RBFOX1: variants seen among roughly 807,000 people sequenced by gnomAD.
RBFOX1 encodes the protein RNA binding fox-1 homolog 1.
RBFOX1 carries 8 observed loss-of-function variants against 57.7 expected under a neutral mutation model. The observed-to-expected ratio is 0.14, with a 90% CI of 0.08 to 0.25. RBFOX1 has a LOEUF of 0.25. Among genes scored for constraint, RBFOX1 ranks in the 10% least tolerant of loss-of-function variants. The pLI is 1.00. For missense variants in RBFOX1, 611 were observed against 548.5 expected (o/e 1.11, Z -1.14); for synonymous variants, 326 against 222.4 (o/e 1.47, Z -4.15).
intron 4 of RBFOX1, among the ~76,000 whole-genome samples, chr16:7,208,077 G>A (rs1303478468): frequency 1.3e-5 from 2 of 152,154 alleles, no homozygotes; most frequent in African/African-American, 4.8e-5. Context: ...CCTGCAACAG[G>A]GAAGCAAGAG....
chr16:7,630,782 C>A, intron 11 of RBFOX1, 99 bp downstream of exon 11: 9 of 1,539,370 alleles, frequency 5.8e-6, no homozygotes, highest in Non-Finnish European at 3.5e-6. Flanking sequence ...TCTGCCCCAC[C>A]CTCTCTTGTG....
At chr16:6,921,240 C>A (rs752419805) in intron 3 of RBFOX1, among the ~76,000 whole-genome samples, 1 of 152,152 alleles carries the variant, frequency 6.6e-6, no homozygotes, top group Non-Finnish European at 1.5e-5. Context: ...TTTAAAACAG[C>A]ACACATTTGT....
At chr16:6,827,675 C>T (rs1027829152) in intron 3 of RBFOX1, among the ~76,000 whole-genome samples, 1 of 152,184 alleles carries the variant, frequency 6.6e-6, no homozygotes, top group African/African-American at 2.4e-5. Flanking sequence ...GAGGTCTCTT[C>T]TGATCCTTCA....
intron 4 of RBFOX1, among the ~76,000 whole-genome samples, chr16:7,448,160 C>CAT (rs2098823050): frequency 6.6e-6 from 1 of 152,226 alleles, no homozygotes; most frequent in African/African-American, 2.4e-5. Flanking sequence ...CTACCCCTTC[C>CAT]ATAGCAAATT....
At chr16:7,184,145 T>A (rs866255966) in intron 4 of RBFOX1, among the ~76,000 whole-genome samples, 8 of 152,258 alleles carry the variant, frequency 5.3e-5, no homozygotes, top group Middle Eastern at 6.8e-3. Flanking sequence ...TTTGTGTATT[T>A]GAAGATCATA....
chr16:6,156,333 A>T (rs1450445284), intron 1 of RBFOX1, among the ~76,000 whole-genome samples: 1 of 152,174 alleles, frequency 6.6e-6, no homozygotes, highest in African/African-American at 2.4e-5. Context: ...CATTTGTTTC[A>T]CAGGGGCCTT....
chr16:7,279,167 G>A (rs1444242270), intron 4 of RBFOX1, among the ~76,000 whole-genome samples: 2 of 150,874 alleles, frequency 1.3e-5, no homozygotes, highest in African/African-American at 4.9e-5. Flanking sequence ...TTGGCCATGG[G>A]GGACCCCATG....
intron 4 of RBFOX1, among the ~76,000 whole-genome samples, chr16:7,368,503 G>A (rs1175768824): frequency 6.6e-6 from 1 of 151,976 alleles, no homozygotes; most frequent in African/African-American, 2.4e-5. Flanking sequence ...TTGGAGCCGG[G>A]AACAGTGGCT....
chr16:7,533,660 C>G (rs909721773), intron 5 of RBFOX1, among the ~76,000 whole-genome samples: 2 of 152,168 alleles, frequency 1.3e-5, no homozygotes, highest in African/African-American at 2.4e-5. Flanking sequence ...ATCTCATGCA[C>G]TTTATTATGT....
intron 4 of RBFOX1, among the ~76,000 whole-genome samples, chr16:7,170,273 T>C (rs969877583): frequency 6.6e-6 from 1 of 152,156 alleles, no homozygotes; most frequent in Non-Finnish European, 1.5e-5. Context: ...CCACTGTTAA[T>C]TGAGCACTCT....
intron 1 of RBFOX1, among the ~76,000 whole-genome samples, chr16:6,292,919 C>T (rs1279547714): frequency 6.6e-6 from 1 of 152,116 alleles, no homozygotes; most frequent in Non-Finnish European, 1.5e-5. Flanking sequence ...TCATCTGGCT[C>T]CAGCCTGTTT....
intron 4 of RBFOX1, among the ~76,000 whole-genome samples, chr16:7,413,527 G>A (rs1182473008): frequency 1.3e-5 from 2 of 152,024 alleles, no homozygotes; most frequent in Admixed American, 6.6e-5. Flanking sequence ...CCACTGAGAT[G>A]CCCTCTGTCT....
intron 3 of RBFOX1, among the ~76,000 whole-genome samples, chr16:5,810,141 C>G (rs1481888937): frequency 4.2e-5 from 6 of 143,138 alleles, no homozygotes; most frequent in South Asian, 2.2e-4. Context: ...CACATGGACA[C>G]AGGAAGGGGA....
rs548334165 is a variant in RBFOX1 at position 5,991,792 on chromosome 16, A to T, written c.351+124457A>T. ...TAATCAACAATGTTGCCTGGGATTG[A>T]TAAGACTTCTAACCTCCTTCAACCT... On this transcript the variant is annotated intron_variant, in intron 4 of 19. Transcript: ENST00000641259. Among the ~76,000 whole-genome samples, 10 of 152,088 alleles carry T rather than the reference A, an allele frequency of 6.6e-5. No homozygotes were observed. In the South Asian group the frequency reaches 2.1e-3, roughly 32 times the overall value.
intron 2 of RBFOX1, among the ~76,000 whole-genome samples, chr16:6,325,844 T>C (rs1339410801): frequency 6.6e-6 from 1 of 152,220 alleles, no homozygotes; most frequent in Non-Finnish European, 1.5e-5. Flanking sequence ...ATGCCTAGTT[T>C]CTTTTGAATT....
At chr16:7,504,698 A>G (rs1354946929) in intron 4 of RBFOX1, among the ~76,000 whole-genome samples, 2 of 119,204 alleles carry the variant, frequency 1.7e-5, no homozygotes, top group African/African-American at 4.2e-5. Context: ...TCCTGTGGAG[A>G]TGAAGTGAGA....
intron 3 of RBFOX1, among the ~76,000 whole-genome samples, chr16:6,681,267 A>C (rs1319232218): frequency 6.6e-6 from 1 of 152,204 alleles, no homozygotes; most frequent in Non-Finnish European, 1.5e-5. Context: ...GCAGTGAGCC[A>C]GGATCACACC....
chr16:5,412,905 C>T (rs1388870339), intron 1 of RBFOX1, among the ~76,000 whole-genome samples: 2 of 152,210 alleles, frequency 1.3e-5, no homozygotes, highest in East Asian at 3.9e-4. Flanking sequence ...GCGAGAGGCG[C>T]CACCCACCCA....
intron 3 of RBFOX1, among the ~76,000 whole-genome samples, chr16:5,674,624 C>CTTCT (rs2050112024): frequency 6.6e-6 from 1 of 152,196 alleles, no homozygotes; most frequent in African/African-American, 2.4e-5. Flanking sequence ...TGGGTTAGTG[C>CTTCT]CAAAGTTATT....
Sources: allele counts gnomAD v4.1 joint callset (sites outside exome capture counted in the v4.1 genomes callset), GRCh38; gene constraint gnomAD v4.1.1; transcripts MANE v1.5; gene names NCBI Gene and HGNC (gene_info 2026-07-23, HGNC 2026-07-21).